TLN2: variants seen among roughly 807,000 people sequenced by gnomAD.
TLN2 encodes talin 2, also known as talin-2.
TLN2 carries 118 observed loss-of-function variants against 294.7 expected under a neutral mutation model. The observed-to-expected ratio is 0.40, with a 90% CI of 0.34 to 0.47. TLN2 has a LOEUF of 0.47. TLN2 is among the 20% of genes least tolerant of loss of function. The probability of loss-of-function intolerance (pLI) is 0.84; values close to 1 mark genes in which losing one functional copy is unlikely to be tolerated. For synonymous variants in TLN2, 1,431 were observed against 1,304.5 expected (o/e 1.10, Z -2.09); for missense variants, 3,083 against 3,282.2 (o/e 0.94, Z 1.48).
intron 47 of TLN2, 102 bp downstream of exon 47, chr15:62,796,395 G>A: frequency 1.5e-6 from 2 of 1,367,400 alleles, no homozygotes; most frequent in South Asian, 2.9e-5. Context: ...GTAGTTATCT[G>A]TTTTGATTTC....
intron 1 of TLN2, among the ~76,000 whole-genome samples, chr15:62,433,166 G>T (rs1274424984): frequency 6.6e-6 from 1 of 152,158 alleles, no homozygotes; most frequent in Non-Finnish European, 1.5e-5. Flanking sequence ...CTGGGAAGAA[G>T]ACTGCAGCCC....
chr15:62,708,772 A>C lies in TLN2; in HGVS notation c.2443A>C (p.Ile815Leu). ...CACCATCATGTGTGTCACCGAGAGC[A>C]TCTTCAGCTCCATGGGTGACGCTGG... ...TDTIMCVTES[I>L]FSSMGDAGEM... Residue 815 changes from isoleucine to leucine, a missense_variant, in exon 21 of 59, where the codon ATC becomes CTC. Ile to Leu is a conservative substitution (Grantham distance 5, BLOSUM62 2). Transcript: ENST00000636159. 6.2e-7 allele frequency: 1 copy of C among 1,605,338 alleles called. No homozygotes were observed.
chr15:62,504,660 C>T (rs2471023), intron 1 of TLN2, among the ~76,000 whole-genome samples: 34,546 of 152,124 alleles, frequency 0.23, 4,795 homozygotes, highest in East Asian at 0.56. Flanking sequence ...GGTTACACCA[C>T]ATACAAAAAT....
intron 2 of TLN2, among the ~76,000 whole-genome samples, chr15:62,601,078 G>A (rs2046963278): frequency 6.6e-6 from 1 of 152,034 alleles, no homozygotes; most frequent in African/African-American, 2.4e-5. Flanking sequence ...TACCTTCTCT[G>A]ACCCTTGTGA....
At chr15:62,810,104 G>T in intron 52 of TLN2, 72 bp downstream of exon 52, 1 of 1,297,774 alleles carries the variant, frequency 7.7e-7, no homozygotes, top group Non-Finnish European at 1.1e-6. Flanking sequence ...TTCAAACTAT[G>T]CTTTCCTTGG....
chr15:62,816,884 A>C (rs896514010), intron 52 of TLN2, among the ~76,000 whole-genome samples: 2 of 152,216 alleles, frequency 1.3e-5, no homozygotes, highest in Non-Finnish European at 2.9e-5. Context: ...GCCTTTTGCA[A>C]TTAAGTGGTG....
rs538327554 is a variant in TLN2, at chr15:62,831,401, T to C, written c.7003-2103T>C. On this transcript the variant is annotated intron_variant, in intron 54 of 58. Coordinates refer to ENST00000636159, the MANE Select transcript of TLN2 (RefSeq NM_015059.3). ...ATTTCCCTGGTGCTTTAATCTGTTA[T>C]GTGCCTGACATTCTTTGGCAGAATG... The C allele has an allele frequency of 3.3e-5, 5 of 152,234 alleles. No individual in the cohort carries two copies. In the East Asian group the frequency reaches 9.6e-4, roughly 29 times the overall value. The allele number at this position is 152,234 out of a possible 1,614,324, so 9.4% of individuals were successfully genotyped here.
chr15:62,743,724 A>AG (rs2061462831), intron 32 of TLN2, among the ~76,000 whole-genome samples: 2 of 152,128 alleles, frequency 1.3e-5, no homozygotes, highest in African/African-American at 4.8e-5. Context: ...GCCAAAACGA[A>AG]GGGGGTATCC....
intron 1 of TLN2, among the ~76,000 whole-genome samples, chr15:62,460,399 G>T (rs370889636): frequency 1.9e-3 from 288 of 152,208 alleles, no homozygotes; most frequent in East Asian, 3.1e-3. Flanking sequence ...CTAGTAGCTG[G>T]GATTACAGGC....
intron 1 of TLN2, among the ~76,000 whole-genome samples, chr15:62,403,640 T>C (rs2033183958): frequency 6.6e-6 from 1 of 152,202 alleles, no homozygotes; most frequent in Non-Finnish European, 1.5e-5. Context: ...GGCCAGGTCA[T>C]TGCTTTCTCT....
At chr15:62,562,098 C>T (rs1460407294) in intron 1 of TLN2, among the ~76,000 whole-genome samples, 1 of 152,156 alleles carries the variant, frequency 6.6e-6, no homozygotes, top group Non-Finnish European at 1.5e-5. Context: ...AATAGATACA[C>T]CCGAATCGTT....
In TLN2 at chr15:62,783,783, G is replaced by T; in HGVS notation, c.5629G>T (p.Val1877Phe). 1 of 1,602,674 alleles carries T rather than the reference G, an allele frequency of 6.2e-7. No individual in the cohort carries two copies. The highest frequency in any genetic ancestry group is 8.5e-7 in the Non-Finnish European group (1 of 1,170,604). The change falls in exon 45 of 59, where the codon GTT becomes TTT. Residue 1877 changes from valine to phenylalanine, a missense_variant. By Grantham distance (50) the Val-to-Phe change is conservative. Transcript: ENST00000636159. ...VTAQEMMTKS[V>F]TNPEELGGLA... ...TTTCTTTTTCCAGATGACTAAGTCG[G>T]TTACTAACCCGGAGGAGTTGGGAGG...
intron 29 of TLN2, among the ~76,000 whole-genome samples, chr15:62,737,386 A>G (rs7170540): frequency 2.8e-4 from 42 of 152,170 alleles, no homozygotes; most frequent in Admixed American, 2.7e-3. Flanking sequence ...TTTTGGGCCT[A>G]TGTGTGCTGA....
chr15:62,767,078 T>G (rs2063053070), intron 41 of TLN2, among the ~76,000 whole-genome samples: 1 of 152,170 alleles, frequency 6.6e-6, no homozygotes, highest in Non-Finnish European at 1.5e-5. Context: ...TTAACCACCT[T>G]GGGTTTCCTA....
chr15:62,620,858 T>C (rs1047834289), intron 3 of TLN2, among the ~76,000 whole-genome samples: 7 of 114,744 alleles, frequency 6.1e-5, no homozygotes, highest in African/African-American at 1.3e-4. Flanking sequence ...TTTTTTTTTT[T>C]CTGAGACGGA....
At chr15:62,755,329 C>T in intron 36 of TLN2, 1 of 598,828 alleles carries the variant, frequency 1.7e-6, no homozygotes, top group Non-Finnish European at 2.8e-6. Context: ...CTCCTTTTTT[C>T]TTATTCTTTC....
At chr15:62,478,695 T>C (rs1203422807) in intron 1 of TLN2, among the ~76,000 whole-genome samples, 2 of 152,192 alleles carry the variant, frequency 1.3e-5, no homozygotes, top group Non-Finnish European at 2.9e-5. Flanking sequence ...ATTCAGTGTG[T>C]TCTGATGACT....
chr15:62,433,021 A>G lies in TLN2; in HGVS notation c.-238+42336A>G, dbSNP rs1393561118. 5.3e-5 allele frequency among the ~76,000 whole-genome samples: 8 copies of G among 152,156 alleles called. No homozygotes were observed. In the East Asian group the frequency reaches 9.6e-4, roughly 18 times the overall value. ...TATGCCACTTGGTTTCTATTTTAAG[A>G]TAGGTATGTTGACAGAGGCATTGGT... On this transcript the variant is annotated intron_variant, in intron 1 of 58. Coordinates refer to ENST00000636159, the MANE Select transcript of TLN2 (RefSeq NM_015059.3).
intron 41 of TLN2, among the ~76,000 whole-genome samples, chr15:62,768,331 C>T (rs954615156): frequency 1.3e-5 from 2 of 152,336 alleles, no homozygotes; most frequent in South Asian, 2.1e-4. Context: ...CTGCTTATAT[C>T]TTCCTATGGC....
Sources: allele counts gnomAD v4.1 joint callset (sites outside exome capture counted in the v4.1 genomes callset), GRCh38; gene constraint gnomAD v4.1.1; transcripts MANE v1.5; gene names NCBI Gene and HGNC (gene_info 2026-07-23, HGNC 2026-07-21).